The following TCP11L2 variants were observed in gnomAD, a reference collection of about 807,000 sequenced individuals.
The protein encoded by TCP11L2 is t-complex 11 like 2, also known as T-complex protein 11-like protein 2.
TCP11L2 carries 39 observed loss-of-function variants against 50.7 expected under a neutral mutation model. The observed-to-expected ratio is 0.77, with a 90% CI of 0.60 to 1.01. The LOEUF (loss-of-function observed/expected upper bound fraction) is 1.01, where lower values mean the gene tolerates loss of function less well. TCP11L2 is among the 50% of genes least tolerant of loss of function. TCP11L2 has a pLI of 0.00. For missense variants in TCP11L2, 612 were observed against 614.7 expected (o/e 1.00, Z 0.05); for synonymous variants, 192 against 219.3 (o/e 0.88, Z 1.10).
intron 2 of TCP11L2, among the ~76,000 whole-genome samples, chr12:106,312,068 C>T (rs536015448): frequency 1.3e-5 from 2 of 152,184 alleles, no homozygotes; most frequent in South Asian, 2.1e-4. Context: ...AGTGCTTTGC[C>T]GTATCTTTAT....
At chr12:106,313,464 C>T (rs1412571961) in intron 2 of TCP11L2, among the ~76,000 whole-genome samples, 1 of 151,906 alleles carries the variant, frequency 6.6e-6, no homozygotes, top group Non-Finnish European at 1.5e-5. Flanking sequence ...GCCTGTAATC[C>T]AGCTACTCGA....
chr12:106,314,039 T>C (rs1322969326), intron 2 of TCP11L2, among the ~76,000 whole-genome samples: 1 of 152,230 alleles, frequency 6.6e-6, no homozygotes, highest in East Asian at 1.9e-4. Flanking sequence ...GTGTTGGGAT[T>C]ACAGGCGTGA....
intron 1 of TCP11L2, 47 bp from the exon 2 acceptor site, chr12:106,310,994 G>T: frequency 6.6e-7 from 1 of 1,509,536 alleles, no homozygotes; most frequent in Non-Finnish European, 9.0e-7. Context: ...GGTGGTGCCT[G>T]TGGAAGTACC....
At chr12:106,321,435 C>G (rs774999324) in intron 4 of TCP11L2, 51 bp from the exon 5 acceptor site, 1 of 1,481,852 alleles carries the variant, frequency 6.7e-7, no homozygotes, top group Non-Finnish European at 9.2e-7. Flanking sequence ...TGAAAAGTGA[C>G]AGCTTTTATT....
rs754266769 is a variant in TCP11L2, at chr12:106,321,502, TCA to T, written c.433_434del (p.Thr145SerfsTer12). 1 of 1,613,876 alleles carries T rather than the reference TCA, an allele frequency of 6.2e-7. No individual in the cohort carries two copies. Among genetic ancestry groups the T allele is most frequent in the Admixed American group, 1.7e-5 (1 of 59,978 alleles). On this transcript the variant is annotated frameshift_variant, in exon 5 of 10. Coordinates refer to ENST00000299045, the MANE Select transcript of TCP11L2 (RefSeq NM_152772.3). LOFTEE classifies it high-confidence loss of function. ...TCCCTGTAGATTCTTCTCTCTTTTC[TCA>T]CTCCCGGTGGCAACCGGCTTCGCAA...
At chr12:106,310,449 A>G (rs1462476445) in intron 1 of TCP11L2, among the ~76,000 whole-genome samples, 1 of 152,214 alleles carries the variant, frequency 6.6e-6, no homozygotes, top group African/African-American at 2.4e-5. Flanking sequence ...TTTCCCCAGG[A>G]GGTTCACAGA....
chr12:106,305,334 C>T (rs1174562594), intron 1 of TCP11L2, among the ~76,000 whole-genome samples: 1 of 152,024 alleles, frequency 6.6e-6, no homozygotes, highest in Non-Finnish European at 1.5e-5. Context: ...TTACTGTTAG[C>T]TGTAATTGTT....
chr12:106,319,102 G>C (rs369225375), intron 4 of TCP11L2, among the ~76,000 whole-genome samples: 2 of 151,862 alleles, frequency 1.3e-5, no homozygotes, highest in Non-Finnish European at 2.9e-5. Flanking sequence ...TAGTAGAGAC[G>C]GGGTTTCACC....
chr12:106,342,881 G>A (rs1047595017), intron 9 of TCP11L2, among the ~76,000 whole-genome samples: 1 of 152,166 alleles, frequency 6.6e-6, no homozygotes, highest in Admixed American at 6.5e-5. Context: ...CTTTTCTTTG[G>A]ATAAGGGAAA....
intron 6 of TCP11L2, 22 bp from the exon 7 acceptor site, chr12:106,335,617 T>C: frequency 6.2e-7 from 1 of 1,611,784 alleles, no homozygotes; most frequent in Non-Finnish European, 8.5e-7. Flanking sequence ...GTAGAACAAA[T>C]ATGTGGCCTT....
intron 9 of TCP11L2, among the ~76,000 whole-genome samples, chr12:106,345,315 A>G (rs2036199149): frequency 6.6e-6 from 1 of 152,070 alleles, no homozygotes; most frequent in African/African-American, 2.4e-5. Flanking sequence ...TTATTGTTCA[A>G]CCAGGGTACT....
intron 9 of TCP11L2, among the ~76,000 whole-genome samples, chr12:106,345,798 T>C (rs2036212802): frequency 6.6e-6 from 1 of 152,218 alleles, no homozygotes; most frequent in African/African-American, 2.4e-5. Flanking sequence ...AATGTATTTG[T>C]GGTTCAGCTG....
intron 6 of TCP11L2, chr12:106,329,608 C>A: frequency 7.5e-7 from 1 of 1,340,834 alleles, no homozygotes. Flanking sequence ...TCTTTTTTTC[C>A]TTTTTAAAGC....
intron 3 of TCP11L2, among the ~76,000 whole-genome samples, chr12:106,314,739 C>T (rs758884420): frequency 2.0e-5 from 3 of 152,074 alleles, no homozygotes; most frequent in Non-Finnish European, 4.4e-5. Context: ...ATAGCTCACA[C>T]CTGTAACCCC....
At chr12:106,302,518 C>T (rs1486742021), upstream of TCP11L2, among the ~76,000 whole-genome samples, 1 of 151,474 alleles carries the variant, frequency 6.6e-6, no homozygotes, top group Non-Finnish European at 1.5e-5. Context: ...CTTCTCACCC[C>T]GCCCCCGGCA....
intron 1 of TCP11L2, among the ~76,000 whole-genome samples, chr12:106,308,065 C>A (rs1019962570): frequency 3.9e-5 from 6 of 152,146 alleles, no homozygotes; most frequent in Non-Finnish European, 5.9e-5. Context: ...AGGCTTCTAC[C>A]CACTAAACAA....
chr12:106,329,389 CAGTCACCGTGCCAGCCTGTGAGAGTGA>C, intron 6 of TCP11L2: 1 of 1,536,054 alleles, frequency 6.5e-7, no homozygotes, highest in Non-Finnish European at 8.7e-7. Flanking sequence ...CCAGAGAGAG[CAGTCACCGTGCCAGCCTGTGAGAGTGA>C]AGTCTCTGCC....
intron 9 of TCP11L2, 66 bp from the exon 10 acceptor site, chr12:106,346,220 T>A (rs2036225214): frequency 2.1e-5 from 32 of 1,494,434 alleles, no homozygotes; most frequent in Non-Finnish European, 2.6e-5. Flanking sequence ...CAATTACTTG[T>A]TCTTGTTTTT....
In TCP11L2 at chr12:106,314,413, C is replaced by T; in HGVS notation, c.213C>T (p.Asn71=). The change falls in exon 3 of 10, where the codon AAC becomes AAT. Residue 71 remains asparagine (N), a synonymous_variant. Transcript: ENST00000299045. The part of the protein sequence containing the change: ...TFDEVMATAR[N]LSNLTLAHEI... Reference sequence around the variant, plus strand: ...ATGAAGTGATGGCTACAGCAAGGAACTTATCAAACTTGACTCTTGCTCATG... The same window carrying T: ...ATGAAGTGATGGCTACAGCAAGGAATTTATCAAACTTGACTCTTGCTCATG... 1 of 1,613,624 alleles carries T rather than the reference C, an allele frequency of 6.2e-7. No individual in the cohort carries two copies. The highest frequency in any genetic ancestry group is 8.5e-7 in the Non-Finnish European group (1 of 1,179,644).
Sources: allele counts gnomAD v4.1 joint callset (sites outside exome capture counted in the v4.1 genomes callset), GRCh38; gene constraint gnomAD v4.1.1; transcripts MANE v1.5; gene names NCBI Gene and HGNC (gene_info 2026-07-23, HGNC 2026-07-21).